KCNQ3: variants seen among roughly 807,000 people sequenced by gnomAD.
KCNQ3 encodes potassium voltage-gated channel subfamily Q member 3.
A neutral mutation model predicts 92.5 loss-of-function variants in KCNQ3; 30 were observed. The observed-to-expected ratio is 0.32, with a 90% confidence interval of 0.24 to 0.44. The LOEUF (loss-of-function observed/expected upper bound fraction) is 0.44. Among genes scored for constraint, KCNQ3 ranks in the 20% least tolerant of loss-of-function variants. The pLI, the probability that KCNQ3 is intolerant of heterozygous loss-of-function variation, is 1.00. For synonymous variants in KCNQ3, 450 were observed against 468.8 expected (o/e 0.96, Z 0.52); for missense variants, 913 against 1,140.3 (o/e 0.80, Z 2.87).
chr8:132,372,478 G>A (rs560586346), intron 1 of KCNQ3, among the ~76,000 whole-genome samples: 8 of 152,204 alleles, frequency 5.3e-5, no homozygotes, highest in East Asian at 3.9e-4. Context: ...CTTAGAGGCC[G>A]GGCGCAGTGG....
chr8:132,148,583 T>G (rs188274406), intron 9 of KCNQ3, among the ~76,000 whole-genome samples: 1 of 152,370 alleles, frequency 6.6e-6, no homozygotes, highest in Admixed American at 6.5e-5. Context: ...CTGATAAAAC[T>G]TCATTTCTGG....
At chr8:132,150,742 C>G (rs1825611164) in intron 9 of KCNQ3, among the ~76,000 whole-genome samples, 1 of 151,820 alleles carries the variant, frequency 6.6e-6, no homozygotes, top group Non-Finnish European at 1.5e-5. Flanking sequence ...TTAATAGTAC[C>G]TGGAGGTCAA....
chr8:132,378,461 T>C (rs1202513368), intron 1 of KCNQ3, among the ~76,000 whole-genome samples: 1 of 152,160 alleles, frequency 6.6e-6, no homozygotes, highest in Non-Finnish European at 1.5e-5. Flanking sequence ...TCCAATCCGA[T>C]GGCAACAATC....
At chr8:132,252,695 C>T (rs992092012) in intron 1 of KCNQ3, among the ~76,000 whole-genome samples, 20 of 152,152 alleles carry the variant, frequency 1.3e-4, no homozygotes, top group South Asian at 6.2e-4. Context: ...CCTTTAGCTA[C>T]ACACAGAGTG....
At chr8:132,448,576 G>A (rs1821748183) in intron 1 of KCNQ3, among the ~76,000 whole-genome samples, 1 of 149,766 alleles carries the variant, frequency 6.7e-6, no homozygotes, top group African/African-American at 2.5e-5. Flanking sequence ...GAGGAAGGAT[G>A]TGCTTGCAGT....
At chr8:132,421,257 C>T (rs963713705) in intron 1 of KCNQ3, among the ~76,000 whole-genome samples, 3 of 152,144 alleles carry the variant, frequency 2.0e-5, no homozygotes, top group Admixed American at 2.0e-4. Flanking sequence ...GTGAGGGGCA[C>T]ATAGAAGCTC....
chr8:132,323,523 A>G (rs1817954118), intron 1 of KCNQ3, among the ~76,000 whole-genome samples: 1 of 152,166 alleles, frequency 6.6e-6, no homozygotes, highest in South Asian at 2.1e-4. Flanking sequence ...ATGACTTGAC[A>G]TGTCCCAAAT....
At chr8:132,174,832 G>A (rs1007932994) in intron 5 of KCNQ3, among the ~76,000 whole-genome samples, 8 of 152,200 alleles carry the variant, frequency 5.3e-5, no homozygotes, top group Admixed American at 2.6e-4. Context: ...TGAAAGGCAG[G>A]ATTATCAGAG....
chr8:132,153,826 G>A (rs565919598), intron 9 of KCNQ3, among the ~76,000 whole-genome samples: 1 of 152,108 alleles, frequency 6.6e-6, no homozygotes, highest in South Asian at 2.1e-4. Flanking sequence ...AAGGAGGAAG[G>A]AGAGAAAAAG....
intron 1 of KCNQ3, among the ~76,000 whole-genome samples, chr8:132,393,383 A>G (rs1820101541): frequency 6.6e-6 from 1 of 152,234 alleles, no homozygotes; most frequent in Non-Finnish European, 1.5e-5. Flanking sequence ...TTGGCTTCAC[A>G]TGACCTGATG....
At chr8:132,350,918 T>C (rs1818840793) in intron 1 of KCNQ3, among the ~76,000 whole-genome samples, 1 of 152,082 alleles carries the variant, frequency 6.6e-6, no homozygotes, top group South Asian at 2.1e-4. Flanking sequence ...AGCAAATCTA[T>C]TCGTGTGGCT....
intron 1 of KCNQ3, among the ~76,000 whole-genome samples, chr8:132,437,001 C>T (rs943713075): frequency 2.6e-5 from 4 of 151,078 alleles, no homozygotes; most frequent in East Asian, 2.0e-4. Flanking sequence ...GGTGGTGGGC[C>T]GGGCGCGGTG....
chr8:132,366,626 A>G (rs1819330102), intron 1 of KCNQ3, among the ~76,000 whole-genome samples: 1 of 152,222 alleles, frequency 6.6e-6, no homozygotes. Flanking sequence ...TATTTTACCA[A>G]GTAAAATTAA....
At chr8:132,436,411 A>C (rs1404371025) in intron 1 of KCNQ3, among the ~76,000 whole-genome samples, 1 of 152,226 alleles carries the variant, frequency 6.6e-6, no homozygotes, top group Non-Finnish European at 1.5e-5. Flanking sequence ...GGAATACCTC[A>C]AGTTCTTTTG....
intron 1 of KCNQ3, among the ~76,000 whole-genome samples, chr8:132,360,874 G>A (rs7016984): frequency 0.46 from 70,003 of 152,092 alleles, 18,341 homozygotes; most frequent in African/African-American, 0.72. Flanking sequence ...GCACACAGCA[G>A]TTTTTTATAA....
intron 1 of KCNQ3, among the ~76,000 whole-genome samples, chr8:132,380,773 G>A (rs1210490791): frequency 6.6e-6 from 1 of 151,864 alleles, no homozygotes; most frequent in Admixed American, 6.6e-5. Context: ...GGAATAGCCT[G>A]CCTGTATTAG....
intron 1 of KCNQ3, among the ~76,000 whole-genome samples, chr8:132,443,509 C>T (rs1025866741): frequency 6.6e-6 from 1 of 151,970 alleles, no homozygotes; most frequent in African/African-American, 2.4e-5. Flanking sequence ...AGCCAGAGTT[C>T]TCAAAAGATA....
At chr8:132,358,642 C>T (rs1285810480) in intron 1 of KCNQ3, among the ~76,000 whole-genome samples, 1 of 150,604 alleles carries the variant, frequency 6.6e-6, no homozygotes, top group Non-Finnish European at 1.5e-5. Flanking sequence ...GCCACCATGA[C>T]TGGGGCTGTT....
intron 1 of KCNQ3, among the ~76,000 whole-genome samples, chr8:132,456,731 C>G (rs951439817): frequency 2.0e-5 from 3 of 152,010 alleles, no homozygotes; most frequent in African/African-American, 7.2e-5. Context: ...CCTGCCTCAG[C>G]CTCCTCAGTA....
Sources: gnomAD v4.1 joint callset for allele counts (sites outside exome capture counted in the v4.1 genomes callset) on GRCh38, gnomAD v4.1.1 for gene constraint, MANE v1.5 for transcripts, NCBI Gene and HGNC (gene_info 2026-07-23, HGNC 2026-07-21) for gene names.